PALM2AKAP2: variants seen among roughly 807,000 people sequenced by gnomAD.
PALM2AKAP2 encodes PALM2 and AKAP2 fusion, also known as PALM2-AKAP2 fusion protein.
Under a neutral mutation model 71.5 loss-of-function variants are expected in PALM2AKAP2, and 37 were observed. The observed-to-expected ratio is 0.52, with a 90% CI of 0.40 to 0.68. The LOEUF (loss-of-function observed/expected upper bound fraction) is 0.68, where lower values mean the gene tolerates loss of function less well. PALM2AKAP2 is among the 30% of genes least tolerant of loss of function. The pLI is 0.00. For missense variants in PALM2AKAP2, 1,224 were observed against 1,191.8 expected (o/e 1.03, Z -0.40); for synonymous variants, 468 against 478.8 (o/e 0.98, Z 0.29).
At chr9:109,954,558 A>G (rs917202469) in intron 6 of PALM2AKAP2, among the ~76,000 whole-genome samples, 2 of 149,304 alleles carry the variant, frequency 1.3e-5, no homozygotes, top group Non-Finnish European at 3.0e-5. Context: ...ACCTAATGCT[A>G]GATGACGCGT....
chr9:109,648,568 A>T (rs114045141), intron 1 of PALM2AKAP2, among the ~76,000 whole-genome samples: 1 of 152,148 alleles, frequency 6.6e-6, no homozygotes, highest in Non-Finnish European at 1.5e-5. Context: ...GAGTGATGGG[A>T]GGGTTATTTT....
chr9:109,785,921 G>A (rs1422677328), intron 1 of PALM2AKAP2, among the ~76,000 whole-genome samples: 1 of 152,202 alleles, frequency 6.6e-6, no homozygotes, highest in Non-Finnish European at 1.5e-5. Flanking sequence ...GCTTGGATGT[G>A]TCTCTATGGA....
intron 1 of PALM2AKAP2, among the ~76,000 whole-genome samples, chr9:109,754,760 T>C (rs1420824394): frequency 1.3e-5 from 2 of 152,132 alleles, no homozygotes; most frequent in Non-Finnish European, 2.9e-5. Context: ...TCTTCTTATA[T>C]GGGCACTAAT....
intron 1 of PALM2AKAP2, among the ~76,000 whole-genome samples, chr9:109,760,098 T>C (rs1829028738): frequency 6.6e-6 from 1 of 152,218 alleles, no homozygotes; most frequent in South Asian, 2.1e-4. Context: ...ATTCGATTTT[T>C]GCCCCTATAG....
At chr9:109,741,672 T>C (rs1341814843) in intron 1 of PALM2AKAP2, among the ~76,000 whole-genome samples, 1 of 152,244 alleles carries the variant, frequency 6.6e-6, no homozygotes, top group Admixed American at 6.5e-5. Context: ...CTGGACAGTG[T>C]TCTGTGTAAG....
intron 6 of PALM2AKAP2, among the ~76,000 whole-genome samples, chr9:109,971,921 A>T (rs143949915): frequency 2.0e-4 from 31 of 152,252 alleles, no homozygotes; most frequent in African/African-American, 7.5e-4. Context: ...CCGTTGAAAG[A>T]TTACTCATTC....
At chr9:109,959,377 G>A (rs1387188119) in intron 6 of PALM2AKAP2, among the ~76,000 whole-genome samples, 2 of 152,116 alleles carry the variant, frequency 1.3e-5, no homozygotes, top group Non-Finnish European at 2.9e-5. Flanking sequence ...CAGGGGTGGT[G>A]GCTCAAGCCT....
At chr9:109,755,062 G>T (rs766815068) in intron 1 of PALM2AKAP2, among the ~76,000 whole-genome samples, 1 of 151,964 alleles carries the variant, frequency 6.6e-6, no homozygotes, top group East Asian at 1.9e-4. Context: ...TCTGCCACCC[G>T]AGTCTAAGCC....
At chr9:109,691,209 A>G (rs992773047) in intron 1 of PALM2AKAP2, among the ~76,000 whole-genome samples, 2 of 151,880 alleles carry the variant, frequency 1.3e-5, no homozygotes, top group South Asian at 4.2e-4. Flanking sequence ...ACACACATGC[A>G]CACACAGCTT....
chr9:110,077,239 C>T (rs994159531), intron 1 of PALM2AKAP2, among the ~76,000 whole-genome samples: 1 of 152,140 alleles, frequency 6.6e-6, no homozygotes, highest in Non-Finnish European at 1.5e-5. Context: ...AGTCGTACTC[C>T]TCTAATAGGG....
At chr9:110,151,321 G>A (rs562888441) in intron 2 of PALM2AKAP2, among the ~76,000 whole-genome samples, 1 of 152,144 alleles carries the variant, frequency 6.6e-6, no homozygotes, top group Non-Finnish European at 1.5e-5. Context: ...GAAGTGCTGG[G>A]ATTACAGGCA....
intron 6 of PALM2AKAP2, among the ~76,000 whole-genome samples, chr9:110,013,063 G>A (rs62580226): frequency 6.6e-6 from 1 of 152,198 alleles, no homozygotes; most frequent in East Asian, 1.9e-4. Context: ...TATGCAGTTG[G>A]CTGGGGCTTG....
intron 1 of PALM2AKAP2, among the ~76,000 whole-genome samples, chr9:109,782,254 T>C (rs1826825349): frequency 6.6e-6 from 1 of 152,196 alleles, no homozygotes; most frequent in Non-Finnish European, 1.5e-5. Context: ...CTCTTGAGCA[T>C]ATAAGAATAC....
At chr9:109,828,954 A>G (rs1022037142) in intron 1 of PALM2AKAP2, among the ~76,000 whole-genome samples, 1 of 152,262 alleles carries the variant, frequency 6.6e-6, no homozygotes, top group East Asian at 1.9e-4. Flanking sequence ...TGGGGTGTAG[A>G]AGTTTTTTGA....
chr9:109,947,090 C>G (rs1005303015), intron 6 of PALM2AKAP2, among the ~76,000 whole-genome samples: 23 of 152,318 alleles, frequency 1.5e-4, no homozygotes, highest in African/African-American at 3.8e-4. Flanking sequence ...AGGGAATGCC[C>G]TTATGGCCAA....
intron 3 of PALM2AKAP2, among the ~76,000 whole-genome samples, chr9:109,912,642 T>C (rs1315447676): frequency 6.6e-6 from 1 of 152,212 alleles, no homozygotes; most frequent in Non-Finnish European, 1.5e-5. Flanking sequence ...CTACCTAGAA[T>C]ATTGAAATGG....
At chr9:109,998,120 C>A (rs1426541610) in intron 6 of PALM2AKAP2, among the ~76,000 whole-genome samples, 1 of 147,008 alleles carries the variant, frequency 6.8e-6, no homozygotes, top group Admixed American at 7.0e-5. Flanking sequence ...TAACCCCATT[C>A]TTTTTGTTGT....
intron 2 of PALM2AKAP2, among the ~76,000 whole-genome samples, chr9:110,139,896 C>A (rs1331562081): frequency 6.6e-6 from 1 of 152,080 alleles, no homozygotes; most frequent in Non-Finnish European, 1.5e-5. Flanking sequence ...GGTAGGAATA[C>A]CACCAAATTG....
intron 3 of PALM2AKAP2, among the ~76,000 whole-genome samples, chr9:109,908,703 G>A (rs1449884664): frequency 1.3e-5 from 2 of 152,054 alleles, no homozygotes; most frequent in African/African-American, 4.8e-5. Flanking sequence ...AACACTACCA[G>A]TCTCTCCAGA....
Sources: gnomAD v4.1 joint callset for allele counts (sites outside exome capture counted in the v4.1 genomes callset) on GRCh38, gnomAD v4.1.1 for gene constraint, MANE v1.5 for transcripts, NCBI Gene and HGNC (gene_info 2026-07-23, HGNC 2026-07-21) for gene names.